The following PCNX1 variants were observed in gnomAD, a reference collection of about 807,000 sequenced individuals.
The protein encoded by PCNX1 is pecanex 1, also known as pecanex-like protein 1.
In PCNX1, 78 loss-of-function variants were observed where a neutral mutation model predicts 242.2. The observed-to-expected ratio is 0.32, with a 90% CI of 0.27 to 0.39. PCNX1 has a LOEUF of 0.39. Among genes scored for constraint, PCNX1 ranks in the 10% least tolerant of loss-of-function variants. The pLI is 1.00. For missense variants in PCNX1, 2,581 were observed against 2,856.5 expected (o/e 0.90, Z 2.20); for synonymous variants, 1,024 against 1,032.9 (o/e 0.99, Z 0.17).
In PCNX1 at chr14:70,937,643, T is replaced by C. The variant is rs534360649; in HGVS notation, c.154-9272T>C. 3.5e-3 allele frequency among the ~76,000 whole-genome samples: 538 copies of C among 152,316 alleles called. 1 individual carries two copies. The highest frequency in any genetic ancestry group is 0.013 in the African/African-American group (521 of 41,568). ...CTCTTTTTTGGTTCCATATGAACTT[T>C]AAAGTAGTTTTTTTCCAATCTGTGA... On this transcript the variant is annotated intron_variant, in intron 1 of 35. Transcript: ENST00000304743.
chr14:71,033,297 A>G, intron 16 of PCNX1, 132 bp from the exon 17 acceptor site: 1 of 552,854 alleles, frequency 1.8e-6, no homozygotes, highest in Non-Finnish European at 3.2e-6. Flanking sequence ...AATAAAATGC[A>G]ATTAATAACG....
intron 1 of PCNX1, among the ~76,000 whole-genome samples, chr14:70,935,415 C>G (rs2056961888): frequency 6.6e-6 from 1 of 152,180 alleles, no homozygotes; most frequent in Non-Finnish European, 1.5e-5. Flanking sequence ...TTAATATGTA[C>G]ATCTTGCACA....
In PCNX1 at chr14:71,009,655, A is replaced by AT; in HGVS notation, c.2652dup (p.Glu885Ter). 6.2e-7 allele frequency: 1 copy of AT among 1,602,088 alleles called. No individual in the cohort carries two copies. Among genetic ancestry groups the AT allele is most frequent in the Non-Finnish European group, 8.5e-7 (1 of 1,170,970 alleles). On this transcript the variant is annotated frameshift_variant, in exon 9 of 36. Coordinates refer to ENST00000304743, the MANE Select transcript of PCNX1 (RefSeq NM_014982.3). LOFTEE classifies it high-confidence loss of function. Reference sequence around the variant, plus strand: ...CTAGGTAAGTTCTCTTCTACGCTGTATGAGACTGGTGGCTGTGATATGTCA... The same window carrying AT: ...CTAGGTAAGTTCTCTTCTACGCTGTATTGAGACTGGTGGCTGTGATATGTCA...
chr14:71,100,723 G>A (rs143954517), intron 30 of PCNX1, among the ~76,000 whole-genome samples: 248 of 152,252 alleles, frequency 1.6e-3, no homozygotes, highest in African/African-American at 5.7e-3. Flanking sequence ...TCTCAGGAAT[G>A]TCATTAATTG....
intron 2 of PCNX1, 39 bp downstream of exon 2, chr14:70,947,162 A>G: frequency 7.3e-7 from 1 of 1,371,622 alleles, no homozygotes; most frequent in Non-Finnish European, 1.0e-6. Context: ...GTAATGATTT[A>G]GATTGTGTTA....
intron 6 of PCNX1, among the ~76,000 whole-genome samples, chr14:70,985,525 C>G (rs182995444): frequency 2.0e-4 from 31 of 152,220 alleles, no homozygotes; most frequent in African/African-American, 5.3e-4. Flanking sequence ...GAAGGTTCCT[C>G]TTAAACTTAT....
intron 18 of PCNX1, 56 bp from the exon 19 acceptor site, chr14:71,036,009 A>G (rs2060521056): frequency 8.1e-7 from 1 of 1,236,792 alleles, no homozygotes; most frequent in Non-Finnish European, 1.2e-6. Context: ...GAATAAAGGA[A>G]AAAGATTTTT....
At chr14:70,964,662 G>A (rs1356578480) in intron 3 of PCNX1, among the ~76,000 whole-genome samples, 1 of 152,088 alleles carries the variant, frequency 6.6e-6, no homozygotes, top group Non-Finnish European at 1.5e-5. Flanking sequence ...GGCCAGCAGT[G>A]GCCAGGCACT....
chr14:70,941,453 C>T (rs529558036), intron 1 of PCNX1, among the ~76,000 whole-genome samples: 2 of 152,310 alleles, frequency 1.3e-5, no homozygotes, highest in South Asian at 4.1e-4. Context: ...GCAAATATTG[C>T]AGAATGGCAA....
At chr14:71,096,226 G>T (rs2062276649) in intron 30 of PCNX1, among the ~76,000 whole-genome samples, 1 of 152,132 alleles carries the variant, frequency 6.6e-6, no homozygotes, top group Admixed American at 6.5e-5. Context: ...GCTGAGGCAG[G>T]AGAATCACTT....
intron 20 of PCNX1, 122 bp downstream of exon 20, chr14:71,045,405 A>C (rs1428632956): frequency 2.8e-6 from 2 of 716,148 alleles, no homozygotes; most frequent in Non-Finnish European, 4.5e-6. Flanking sequence ...TCTTTTGCTT[A>C]AGTTTGAAGC....
intron 1 of PCNX1, among the ~76,000 whole-genome samples, chr14:70,925,568 CTTTT>C (rs71305848): frequency 3.7e-5 from 4 of 106,944 alleles, no homozygotes; most frequent in African/African-American, 3.7e-5. Flanking sequence ...CTTACCTCAT[CTTTT>C]TTTTTTTTTT....
intron 2 of PCNX1, among the ~76,000 whole-genome samples, chr14:70,955,261 G>A (rs2057948168): frequency 6.6e-6 from 1 of 152,176 alleles, no homozygotes; most frequent in Non-Finnish European, 1.5e-5. Context: ...TTATGATATT[G>A]TAAACTACGG....
At chr14:70,991,509 T>A (rs1385170563) in intron 7 of PCNX1, among the ~76,000 whole-genome samples, 3 of 152,178 alleles carry the variant, frequency 2.0e-5, no homozygotes. Flanking sequence ...CAGCCCCTAC[T>A]ACTTATTTTT....
intron 10 of PCNX1, chr14:71,012,625 T>C: frequency 3.6e-6 from 1 of 278,538 alleles, no homozygotes; most frequent in Non-Finnish European, 6.9e-6. Context: ...AGGTCAAGAG[T>C]TCAAGACCAG....
At chr14:71,062,392 A>C (rs1227486731) in intron 26 of PCNX1, among the ~76,000 whole-genome samples, 1 of 152,024 alleles carries the variant, frequency 6.6e-6, no homozygotes, top group African/African-American at 2.4e-5. Context: ...TTAAAAAGTA[A>C]AAAAATTTTA....
rs377093088 is a variant in PCNX1 at position 71,019,030 on chromosome 14, T to C, written c.3018T>C (p.Asn1006=). 4 of 1,611,976 alleles carry C rather than the reference T, an allele frequency of 2.5e-6. No homozygotes were observed. The highest frequency in any genetic ancestry group is 3.4e-6 in the Non-Finnish European group (4 of 1,179,170). ...GTAGAAATCGTGAGATCCTGGAAAATGTGTTAGCTGTCATCCTGGCTATTC... is the reference window on the plus strand; with the variant it reads ...GTAGAAATCGTGAGATCCTGGAAAACGTGTTAGCTGTCATCCTGGCTATTC... ...LFDRNREILE[N]VLAVILAILV... is the part of the protein sequence containing the mutation. The change falls in exon 12 of 36, where the codon AAT becomes AAC. Residue 1006 remains asparagine, a synonymous_variant. Coordinates refer to ENST00000304743, the MANE Select transcript of PCNX1 (RefSeq NM_014982.3).
chr14:70,980,498 C>T (rs903227312), intron 6 of PCNX1, among the ~76,000 whole-genome samples: 3 of 152,010 alleles, frequency 2.0e-5, no homozygotes, highest in Non-Finnish European at 4.4e-5. Context: ...AGGCATTGCA[C>T]AGGCTTTTTT....
At position 70,962,271 on chromosome 14, in the gene PCNX1, C is replaced by G; in HGVS notation, c.408C>G (p.Ala136=). The change falls in exon 3 of 36, where the codon GCC becomes GCG. Residue 136 remains alanine (A), a synonymous_variant. Transcript: ENST00000304743. ...GIEMSEFIRE[A]TPPVGCSSRN... ...AAATGTCTGAGTTCATCCGAGAGGC[C>G]ACACCCCCAGTTGGTTGCAGTTCCA... 3 of 1,613,586 alleles carry G rather than the reference C, an allele frequency of 1.9e-6. No homozygotes were observed. The highest frequency in any genetic ancestry group is 2.5e-6 in the Non-Finnish European group (3 of 1,179,618).
Sources: gnomAD v4.1 joint callset for allele counts (sites outside exome capture counted in the v4.1 genomes callset) on GRCh38, gnomAD v4.1.1 for gene constraint, MANE v1.5 for transcripts, NCBI Gene and HGNC (gene_info 2026-07-23, HGNC 2026-07-21) for gene names.